Variants in SLCO1A2 observed in about 807,000 individuals in gnomAD.
SLCO1A2 encodes OATP-1.
Under a neutral mutation model 69.0 loss-of-function variants are expected in SLCO1A2, and 67 were observed. That is an observed-to-expected ratio of 0.97 (90% CI 0.80 to 1.19). The LOEUF (loss-of-function observed/expected upper bound fraction) is 1.19. SLCO1A2 is among the 50% of genes most tolerant of loss of function. SLCO1A2 has a pLI of 0.00. For missense variants in SLCO1A2, 787 were observed against 793.7 expected (o/e 0.99, Z 0.10); for synonymous variants, 260 against 265.9 (o/e 0.98, Z 0.22).
At chr12:21,403,998 G>A (rs149677093) in intron 1 of SLCO1A2, among the ~76,000 whole-genome samples, 88 of 152,112 alleles carry the variant, frequency 5.8e-4, no homozygotes, top group African/African-American at 1.9e-3. Context: ...ACACCAAAAC[G>A]GGAATAAGCT....
chr12:21,352,537 C>A (rs1176884727), intron 2 of SLCO1A2, among the ~76,000 whole-genome samples: 1 of 152,088 alleles, frequency 6.6e-6, no homozygotes, highest in Non-Finnish European at 1.5e-5. Context: ...AAAATACCAG[C>A]CATGAATCAA....
intron 2 of SLCO1A2, among the ~76,000 whole-genome samples, chr12:21,357,410 AGCC>A (rs1227753237): frequency 6.6e-6 from 1 of 152,230 alleles, no homozygotes; most frequent in Non-Finnish European, 1.5e-5. Context: ...GGCATGGAAC[AGCC>A]CTCAGATAGA....
At chr12:21,358,426 GC>G (rs1294058734) in intron 2 of SLCO1A2, among the ~76,000 whole-genome samples, 1 of 152,064 alleles carries the variant, frequency 6.6e-6, no homozygotes, top group African/African-American at 2.4e-5. Flanking sequence ...AAACTATGTG[GC>G]AATCCACTAA....
chr12:21,297,806 A>G (rs1387716383), intron 8 of SLCO1A2, among the ~76,000 whole-genome samples: 2 of 152,202 alleles, frequency 1.3e-5, no homozygotes, highest in African/African-American at 4.8e-5. Flanking sequence ...TTTGCCCTCA[A>G]TAAGTCACTG....
chr12:21,330,885 T>C (rs1489068120), intron 2 of SLCO1A2, among the ~76,000 whole-genome samples: 1 of 152,128 alleles, frequency 6.6e-6, no homozygotes, highest in Non-Finnish European at 1.5e-5. Context: ...CACAGACCAT[T>C]TACAACATGC....
chr12:21,293,405 A>G (rs193064821), intron 11 of SLCO1A2, among the ~76,000 whole-genome samples: 9 of 152,268 alleles, frequency 5.9e-5, no homozygotes, highest in Non-Finnish European at 4.4e-5. Flanking sequence ...CAAAATTTAT[A>G]GTTTACTTTG....
At chr12:21,361,404 G>A (rs1014045046) in intron 2 of SLCO1A2, among the ~76,000 whole-genome samples, 1 of 152,098 alleles carries the variant, frequency 6.6e-6, no homozygotes, top group Admixed American at 6.5e-5. Flanking sequence ...GATCAGAGAC[G>A]AAATGTAGAT....
In SLCO1A2 at chr12:21,271,683, GTATA is replaced by G. The variant is rs539876661; in HGVS notation, c.1794-1920_1794-1917del. On this transcript the variant is annotated intron_variant, in intron 14 of 14. Transcript: ENST00000683939. The stretch of plus-strand genomic sequence containing the variant: ...TGTATATAAACATATATACCTATGT[GTATA>G]TAAACATATATACCTATGTGTATAT... Among the ~76,000 whole-genome samples, 33 of 147,358 alleles carry G rather than the reference GTATA, an allele frequency of 2.2e-4. No homozygotes were observed. In the Admixed American group the frequency reaches 2.3e-3, roughly 10 times the overall value.
In SLCO1A2 at chr12:21,327,330, A is replaced by C. The variant is rs764251693; in HGVS notation, c.60+7258T>G. Among the ~76,000 whole-genome samples, 109 of 152,264 alleles carry C rather than the reference A, an allele frequency of 7.2e-4. 1 individual carries two copies. The highest frequency in any genetic ancestry group is 3.4e-3 in the Middle Eastern group (1 of 294). On this transcript the variant is annotated intron_variant, in intron 2 of 14. Transcript: ENST00000683939. ...TCTGCTAGGGCAGTGTGGAAGGGAA[A>C]TGTAGGGTTGAAGCCCCCACACAGA...
intron 1 of SLCO1A2, among the ~76,000 whole-genome samples, chr12:21,389,638 G>T (rs1591909519): frequency 6.6e-6 from 1 of 151,758 alleles, no homozygotes; most frequent in Non-Finnish European, 1.5e-5. Flanking sequence ...TTTTTGACAT[G>T]ACATTATAGT....
At chr12:21,408,561 G>A (rs539500730) in intron 1 of SLCO1A2, among the ~76,000 whole-genome samples, 47 of 152,068 alleles carry the variant, frequency 3.1e-4, no homozygotes, top group Non-Finnish European at 6.3e-4. Flanking sequence ...ATCCGCAACT[G>A]CCCAACGAAA....
intron 1 of SLCO1A2, among the ~76,000 whole-genome samples, chr12:21,388,317 T>G (rs1940987329): frequency 6.6e-6 from 1 of 151,872 alleles, no homozygotes; most frequent in African/African-American, 2.4e-5. Flanking sequence ...TTTGGCTGTG[T>G]CTCCACCCAA....
intron 2 of SLCO1A2, chr12:21,324,505 T>G (rs1952048197): frequency 6.6e-6 from 1 of 152,184 alleles, no homozygotes; most frequent in South Asian, 2.1e-4. Context: ...GGTAAAATAA[T>G]CAGTGTCTCC....
intron 8 of SLCO1A2, among the ~76,000 whole-genome samples, chr12:21,299,603 G>A (rs574599516): frequency 2.6e-4 from 39 of 149,702 alleles, no homozygotes; most frequent in African/African-American, 8.1e-4. Context: ...GAAGCTCTTC[G>A]TTAAACTAAC....
intron 1 of SLCO1A2, among the ~76,000 whole-genome samples, chr12:21,375,477 A>C (rs1940125592): frequency 6.6e-6 from 1 of 152,230 alleles, no homozygotes; most frequent in South Asian, 2.1e-4. Context: ...TCCTCACAAA[A>C]TTTAATCATC....
intron 12 of SLCO1A2, among the ~76,000 whole-genome samples, chr12:21,277,915 G>A (rs979912828): frequency 5.3e-5 from 8 of 152,168 alleles, no homozygotes; most frequent in Non-Finnish European, 8.8e-5. Context: ...AGGGACCCCA[G>A]GGGTAGAGCA....
intron 1 of SLCO1A2, among the ~76,000 whole-genome samples, chr12:21,415,693 A>C (rs1941977814): frequency 6.6e-6 from 1 of 151,942 alleles, no homozygotes; most frequent in Non-Finnish European, 1.5e-5. Context: ...TCTCTTGGGA[A>C]GTTTTTATAT....
chr12:21,341,715 C>T (rs1424796045), intron 2 of SLCO1A2, among the ~76,000 whole-genome samples: 1 of 152,040 alleles, frequency 6.6e-6, no homozygotes, highest in Non-Finnish European at 1.5e-5. Flanking sequence ...CTCAAACTGG[C>T]TGCATGTAGT....
chr12:21,388,831 G>T (rs537080130), intron 1 of SLCO1A2, among the ~76,000 whole-genome samples: 2 of 152,204 alleles, frequency 1.3e-5, no homozygotes, highest in South Asian at 2.1e-4. Flanking sequence ...AAGCCCACAG[G>T]TTAAGATATT....
Sources: allele counts gnomAD v4.1 joint callset (sites outside exome capture counted in the v4.1 genomes callset), GRCh38; gene constraint gnomAD v4.1.1; transcripts MANE v1.5; gene names NCBI Gene and HGNC (gene_info 2026-07-23, HGNC 2026-07-21).